OSR1: variants seen among roughly 807,000 people sequenced by gnomAD.
OSR1 encodes odd-skipped related transcription factor 1.
A neutral mutation model predicts 15.7 loss-of-function variants in OSR1; 3 were observed. The ratio of observed to expected loss-of-function variants is 0.19; its 90% CI spans 0.09 to 0.50. The LOEUF (loss-of-function observed/expected upper bound fraction) is 0.50, where lower values mean the gene tolerates loss of function less well. Among genes scored for constraint, OSR1 ranks in the 20% least tolerant of loss-of-function variants. OSR1 has a pLI of 0.97. For synonymous variants in OSR1, 166 were observed against 152.7 expected (o/e 1.09, Z -0.64); for missense variants, 271 against 351.1 (o/e 0.77, Z 1.82).
downstream of OSR1, among the ~76,000 whole-genome samples, chr2:19,347,787 G>A (rs990691952): frequency 1.3e-5 from 2 of 152,236 alleles, no homozygotes; most frequent in African/African-American, 4.8e-5. Context: ...GATCCCAGGG[G>A]CCTCTGTAGG....
At chr2:19,347,893 A>T (rs1572256974), downstream of OSR1, among the ~76,000 whole-genome samples, 1 of 152,138 alleles carries the variant, frequency 6.6e-6, no homozygotes, top group Non-Finnish European at 1.5e-5. Flanking sequence ...GCCCACACAT[A>T]CGCCAACGGC....
chr2:19,348,804 C>G (rs73918183), downstream of OSR1, among the ~76,000 whole-genome samples: 1,974 of 152,296 alleles, frequency 0.013, 43 homozygotes, highest in African/African-American at 0.045. Flanking sequence ...CACCTGATAT[C>G]TTACCGGAGA....
At chr2:19,350,323 G>T (rs1414704884), downstream of OSR1, among the ~76,000 whole-genome samples, 1 of 152,172 alleles carries the variant, frequency 6.6e-6, no homozygotes, top group East Asian at 1.9e-4. Context: ...GCCAGGGCTG[G>T]TCCGCGCCGG....
downstream of OSR1, among the ~76,000 whole-genome samples, chr2:19,350,944 T>C (rs45513197): frequency 6.6e-6 from 1 of 152,018 alleles, no homozygotes; most frequent in Non-Finnish European, 1.5e-5. Context: ...TGGTTTGGGG[T>C]TCCGGGGAGG....
downstream of OSR1, among the ~76,000 whole-genome samples, chr2:19,348,272 G>A (rs978225772): frequency 6.6e-6 from 1 of 152,070 alleles, no homozygotes; most frequent in African/African-American, 2.4e-5. Context: ...CGTGTTAGTG[G>A]AGACGAACCG....
downstream of OSR1, among the ~76,000 whole-genome samples, chr2:19,348,902 C>T (rs1572257492): frequency 6.9e-6 from 1 of 144,896 alleles, no homozygotes; most frequent in Non-Finnish European, 1.5e-5. Context: ...CAGATAGCTT[C>T]CCCAGCCGTA....
chr2:19,357,836 C>T lies in OSR1; in HGVS notation c.-33+505G>A, dbSNP rs1177828480. 1.3e-5 allele frequency: 2 copies of T among 152,272 alleles called. No homozygotes were observed. The highest frequency in any genetic ancestry group is 2.9e-5 in the Non-Finnish European group (2 of 68,064). The allele number at this position is 152,272 out of a possible 1,614,324, so 9.4% of individuals were successfully genotyped here. ...GGCCTCATACTAGAGCGCAACTCCT[C>T]AAAAGACAAACTTGAACGAAAGCGC... On this transcript the variant is annotated intron_variant, in intron 1 of 2. Transcript: ENST00000272223. This position sits in a 1 kb window ranked among gnomAD's most constrained non-coding sequence, Gnocchi z 5.0.
downstream of OSR1, among the ~76,000 whole-genome samples, chr2:19,350,243 T>C (rs1414232859): frequency 6.6e-6 from 1 of 152,086 alleles, no homozygotes; most frequent in Non-Finnish European, 1.5e-5. Flanking sequence ...CAAGACCCCT[T>C]GAGGTGCCAA....
chr2:19,344,944 AAC>A, the OSR1 span, among the ~76,000 whole-genome samples: 1 of 152,248 alleles, frequency 6.6e-6, no homozygotes, highest in Non-Finnish European at 1.5e-5. Flanking sequence ...GACAACTAGA[AAC>A]ATAAAGTGAG....
chr2:19,348,727 A>G (rs1664782466), downstream of OSR1, among the ~76,000 whole-genome samples: 1 of 152,102 alleles, frequency 6.6e-6, no homozygotes, highest in Non-Finnish European at 1.5e-5. Context: ...CTCTGGAAAT[A>G]GGGGGTAGAA....
At chr2:19,354,919 G>A (rs982558713) in intron 1 of OSR1, 4 of 152,308 alleles carry the variant, frequency 2.6e-5, no homozygotes, top group Non-Finnish European at 5.9e-5. Flanking sequence ...GTACCTCCAA[G>A]TGCAAGGTTG....
At chr2:19,345,577 T>C in the OSR1 span, among the ~76,000 whole-genome samples, 3 of 152,196 alleles carry the variant, frequency 2.0e-5, no homozygotes, top group African/African-American at 7.2e-5. Flanking sequence ...GATATGAACA[T>C]TATAATTAAA....
chr2:19,353,889 G>T, intron 1 of OSR1, 52 bp from the exon 2 acceptor site: 1 of 1,423,276 alleles, frequency 7.0e-7, no homozygotes, highest in African/African-American at 1.4e-5. Context: ...AGAAGTTCAG[G>T]GTGGGTCGCC....
At chr2:19,350,586 G>A (rs565438858), downstream of OSR1, among the ~76,000 whole-genome samples, 2 of 152,316 alleles carry the variant, frequency 1.3e-5, no homozygotes, top group Admixed American at 6.5e-5. Context: ...AAGCTGGAGA[G>A]GCCATCCTGC....
At chr2:19,355,393 C>A (rs45549741) in intron 1 of OSR1, 10,311 of 152,828 alleles carry the variant, frequency 0.067, 527 homozygotes, top group African/African-American at 0.13. Context: ...TTGAGCTGAC[C>A]CTCAGCCCAG....
rs753702359 is a variant in OSR1, at chr2:19,353,296, C to T, written c.510G>A (p.Lys170=). ...ACTTGCAGACGAATTCCTTCTTGGT[C>T]TTGGAAGGCAGACGTCCCCTTGTGG... ...KKPTRGRLPS[K]TKKEFVCKFC... Residue 170 remains lysine (K), a synonymous_variant, in exon 2 of 3, where the codon AAG becomes AAA. Transcript: ENST00000272223. 1.2e-6 allele frequency: 2 copies of T among 1,614,230 alleles called. No homozygotes were observed. The highest frequency in any genetic ancestry group is 4.5e-5 in the East Asian group (2 of 44,874).
At chr2:19,351,337 G>A (rs1558358648), downstream of OSR1, 3 of 152,648 alleles carry the variant, frequency 2.0e-5, no homozygotes, top group South Asian at 6.2e-4. Context: ...GAGAGAGGAC[G>A]TTGCTCCACA....
At chr2:19,349,112 A>G (rs1330348951), downstream of OSR1, among the ~76,000 whole-genome samples, 7 of 152,310 alleles carry the variant, frequency 4.6e-5, no homozygotes, top group East Asian at 1.9e-4. Flanking sequence ...GCATTGGGGG[A>G]AAAATTGGGG....
chr2:19,349,860 T>C (rs1664803372), downstream of OSR1, among the ~76,000 whole-genome samples: 1 of 152,188 alleles, frequency 6.6e-6, no homozygotes, highest in African/African-American at 2.4e-5. Flanking sequence ...CGCAGCCTCC[T>C]GGGGCTTCAT....
Sources: gnomAD v4.1 joint callset for allele counts (sites outside exome capture counted in the v4.1 genomes callset) on GRCh38, gnomAD v4.1.1 for gene constraint, Gnocchi (gnomAD v3.1) non-coding constraint, MANE v1.5 for transcripts, NCBI Gene and HGNC (gene_info 2026-07-23, HGNC 2026-07-21) for gene names.